UNC5D: variants seen among roughly 807,000 people sequenced by gnomAD.
The protein encoded by UNC5D is netrin receptor UNC5D.
A neutral mutation model predicts 105.4 loss-of-function variants in UNC5D; 39 were observed. That is an observed-to-expected ratio of 0.37 (90% CI 0.29 to 0.48). UNC5D has a LOEUF of 0.48. UNC5D is among the 20% of genes least tolerant of loss of function. UNC5D has a pLI of 0.98. For synonymous variants in UNC5D, 452 were observed against 450.4 expected (o/e 1.00, Z -0.04); for missense variants, 991 against 1,202.4 (o/e 0.82, Z 2.60).
intron 1 of UNC5D, among the ~76,000 whole-genome samples, chr8:35,451,145 G>A (rs112569075): frequency 0.092 from 13,752 of 150,278 alleles, 691 homozygotes; most frequent in African/African-American, 0.11. Context: ...CTGATTTCAA[G>A]CAATTCTCCT....
chr8:35,743,432 A>G (rs980970691), intron 11 of UNC5D, among the ~76,000 whole-genome samples: 1 of 151,180 alleles, frequency 6.6e-6, no homozygotes, highest in Non-Finnish European at 1.5e-5. Flanking sequence ...ACCACGCCTG[A>G]CTAATTTTTC....
chr8:35,598,525 G>C (rs1819629966), intron 4 of UNC5D, among the ~76,000 whole-genome samples: 1 of 152,096 alleles, frequency 6.6e-6, no homozygotes, highest in Admixed American at 6.6e-5. Flanking sequence ...GCTACCACTT[G>C]ATCCAGCAAT....
chr8:35,723,180 CAGT>C (rs1169730017), intron 9 of UNC5D, among the ~76,000 whole-genome samples: 27 of 152,102 alleles, frequency 1.8e-4, no homozygotes, highest in Admixed American at 2.0e-4. Context: ...TATTGTGCAT[CAGT>C]GGTGCCTACA....
At chr8:35,677,224 G>A (rs945826288) in intron 4 of UNC5D, among the ~76,000 whole-genome samples, 3 of 152,004 alleles carry the variant, frequency 2.0e-5, no homozygotes, top group African/African-American at 4.8e-5. Flanking sequence ...TGAGTTCATT[G>A]TCACTTTTCA....
intron 16 of UNC5D, among the ~76,000 whole-genome samples, chr8:35,777,597 G>T (rs1586630608): frequency 6.6e-6 from 1 of 152,308 alleles, no homozygotes; most frequent in Non-Finnish European, 1.5e-5. Flanking sequence ...ACAGGAAAGA[G>T]TTTAGGCCAT....
At chr8:35,552,164 C>T (rs947746504) in intron 2 of UNC5D, among the ~76,000 whole-genome samples, 57 of 152,168 alleles carry the variant, frequency 3.7e-4, no homozygotes, top group African/African-American at 1.3e-3. Context: ...CCAAAGCATG[C>T]GTAGAATCCT....
chr8:35,658,386 A>G (rs1355711775), intron 4 of UNC5D, among the ~76,000 whole-genome samples: 1 of 152,116 alleles, frequency 6.6e-6, no homozygotes, highest in Non-Finnish European at 1.5e-5. Context: ...TGTTTTTCCT[A>G]TATGTATTGC....
At chr8:35,753,314 G>A (rs1178700872) in intron 13 of UNC5D, among the ~76,000 whole-genome samples, 1 of 151,976 alleles carries the variant, frequency 6.6e-6, no homozygotes, top group African/African-American at 2.4e-5. Context: ...TGTCCCCCAG[G>A]CTGGAGTGCA....
chr8:35,671,963 A>G (rs7009470), intron 4 of UNC5D, among the ~76,000 whole-genome samples: 27,252 of 152,094 alleles, frequency 0.18, 5,549 homozygotes, highest in African/African-American at 0.5. Flanking sequence ...TAGTCACCCA[A>G]TATGTGGAAT....
intron 1 of UNC5D, among the ~76,000 whole-genome samples, chr8:35,492,728 G>T (rs1316658035): frequency 6.6e-6 from 1 of 152,000 alleles, no homozygotes; most frequent in South Asian, 2.1e-4. Context: ...AATTGTGAGG[G>T]GTAGTAAATG....
chr8:35,540,526 A>G (rs2130626554), intron 1 of UNC5D, among the ~76,000 whole-genome samples: 1 of 151,710 alleles, frequency 6.6e-6, no homozygotes, highest in East Asian at 1.9e-4. Context: ...AATAGAGAAA[A>G]AGCAAAAAAC....
intron 1 of UNC5D, among the ~76,000 whole-genome samples, chr8:35,515,135 T>A (rs1473642403): frequency 6.6e-6 from 1 of 152,222 alleles, no homozygotes; most frequent in Non-Finnish European, 1.5e-5. Flanking sequence ...CAAATGATGT[T>A]CTTCACCTTT....
At chr8:35,466,555 T>C (rs979018094) in intron 1 of UNC5D, among the ~76,000 whole-genome samples, 1 of 152,210 alleles carries the variant, frequency 6.6e-6, no homozygotes, top group Non-Finnish European at 1.5e-5. Context: ...GAGTCCTAAA[T>C]GCCCACAAGA....
chr8:35,546,840 C>T (rs902241248), intron 1 of UNC5D, among the ~76,000 whole-genome samples: 1 of 152,118 alleles, frequency 6.6e-6, no homozygotes, highest in Non-Finnish European at 1.5e-5. Flanking sequence ...CCCGAAACCC[C>T]TCTTACTCCC....
chr8:35,617,170 C>A (rs1003936459), intron 4 of UNC5D, among the ~76,000 whole-genome samples: 3 of 152,184 alleles, frequency 2.0e-5, no homozygotes, highest in East Asian at 3.9e-4. Flanking sequence ...CCACAATCAC[C>A]ACAGCCACAG....
intron 1 of UNC5D, among the ~76,000 whole-genome samples, chr8:35,461,282 TG>T (rs1220257370): frequency 6.6e-6 from 1 of 152,202 alleles, no homozygotes; most frequent in African/African-American, 2.4e-5. Context: ...GTTGATGAGC[TG>T]GGGGCCTTTT....
intron 8 of UNC5D, among the ~76,000 whole-genome samples, chr8:35,709,395 A>G (rs1383740967): frequency 6.6e-6 from 1 of 152,138 alleles, no homozygotes; most frequent in Non-Finnish European, 1.5e-5. Flanking sequence ...GGGTTTCTAT[A>G]ATAAAGTTAT....
At position 35,686,617 on chromosome 8, in the gene UNC5D, A is replaced by T; in HGVS notation, c.992A>T (p.Glu331Val). ...SPECEHLRIR[E>V]CTAPPPRNGG... is the part of the protein sequence containing the mutation. ...GAGTGTGAACATTTGCGGATCCGGG[A>T]GTGCACAGCACCACCCCCGAGAAAT... is the stretch of plus-strand genomic sequence containing the variant. Residue 331 changes from glutamate to valine, a missense_variant, in exon 7 of 17, where the codon GAG (glutamate) becomes GTG (valine). Physicochemically the swap from Glu to Val is moderately radical, Grantham distance 121. Around this residue, in one of 3 missense-constraint regions of UNC5D, gnomAD observed 944 missense variants for 1,131.6 expected, o/e 0.83. Coordinates refer to ENST00000404895, the MANE Select transcript of UNC5D (RefSeq NM_080872.4). 6.2e-7 allele frequency: 1 copy of T among 1,608,566 alleles called. No individual in the cohort carries two copies. Among genetic ancestry groups the T allele is most frequent in the East Asian group, 2.2e-5 (1 of 44,560 alleles).
chr8:35,571,953 C>T (rs963665040), intron 3 of UNC5D, among the ~76,000 whole-genome samples: 8 of 152,072 alleles, frequency 5.3e-5, no homozygotes, highest in Admixed American at 1.3e-4. Context: ...CCTTATGTTT[C>T]CTGCGTTTAA....
Sources: allele counts gnomAD v4.1 joint callset (sites outside exome capture counted in the v4.1 genomes callset), GRCh38; gene constraint gnomAD v4.1.1; regional missense constraint gnomAD v4.1.1; transcripts MANE v1.5; gene names NCBI Gene and HGNC (gene_info 2026-07-23, HGNC 2026-07-21).